The following DGKG variants were observed in gnomAD, a reference collection of about 807,000 sequenced individuals.
The protein encoded by DGKG is diacylglycerol kinase gamma.
A neutral mutation model predicts 105.3 loss-of-function variants in DGKG; 78 were observed. The observed-to-expected ratio is 0.74, with a 90% CI of 0.62 to 0.89. DGKG has a LOEUF of 0.89. DGKG is among the 40% of genes least tolerant of loss of function. DGKG has a pLI of 0.00. For synonymous variants in DGKG, 346 were observed against 367.1 expected, an observed-to-expected ratio of 0.94 and a Z score of 0.66; for missense variants, 958 against 1,020.1, an observed-to-expected ratio of 0.94 and a Z score of 0.83.
At chr3:186,337,239 A>G (rs1316126861) in intron 1 of DGKG, among the ~76,000 whole-genome samples, 1 of 152,204 alleles carries the variant, frequency 6.6e-6, no homozygotes, top group Non-Finnish European at 1.5e-5. Context: ...AGTAAAATTC[A>G]GTATAGCATT....
intron 21 of DGKG, among the ~76,000 whole-genome samples, chr3:186,204,624 A>C (rs781182708): frequency 6.6e-6 from 1 of 152,226 alleles, no homozygotes; most frequent in East Asian, 1.9e-4. Context: ...AATTTTTTAA[A>C]ATTTAACCAT....
rs1164373126 is a variant in DGKG, at chr3:186,267,668, G to A, written c.1209+17C>T. Reference sequence around the variant, plus strand: ...ACCCGGAGAAGCTACAGCCCTCGCCGGGGCAGGAGCACTTACCCGGGTGAT... The same window carrying A: ...ACCCGGAGAAGCTACAGCCCTCGCCAGGGCAGGAGCACTTACCCGGGTGAT... On this transcript the variant is annotated intron_variant, in intron 13 of 24. Coordinates refer to ENST00000265022, the MANE Select transcript of DGKG (RefSeq NM_001346.3). 5.6e-6 allele frequency: 9 copies of A among 1,608,448 alleles called. No homozygotes were observed. Among genetic ancestry groups the A allele is most frequent in the Non-Finnish European group, 7.7e-6 (9 of 1,174,910 alleles).
intron 24 of DGKG, chr3:186,160,728 T>A (rs1222110720): frequency 2.0e-6 from 2 of 985,312 alleles, no homozygotes; most frequent in Non-Finnish European, 2.4e-6. Flanking sequence ...TGCAATCTTA[T>A]TGAGGGTATT....
chr3:186,279,937 G>A lies in DGKG; in HGVS notation c.706C>T (p.Arg236Trp), dbSNP rs200662645. The change falls in exon 9 of 25, where the codon CGG becomes TGG. Residue 236 changes from arginine (R) to tryptophan (W), a missense_variant. Transcript: ENST00000265022. Reference sequence around the variant, plus strand: ...TCCTGTAGAGACACAAAGCCGTCCCGGTCGTAGTCCATCCCTTGCAGCATC... The same window carrying A: ...TCCTGTAGAGACACAAAGCCGTCCCAGTCGTAGTCCATCCCTTGCAGCATC... ...KEMLQGMDYDRDGFVSLQEWV... is the reference protein window; with the variant it reads ...KEMLQGMDYDWDGFVSLQEWV... 4.9e-5 allele frequency: 79 copies of A among 1,613,928 alleles called. No individual in the cohort carries two copies. In the Middle Eastern group the frequency reaches 8.2e-4, roughly 17 times the overall value.
At chr3:186,265,386 G>C in intron 13 of DGKG, 80 bp from the exon 14 acceptor site, 1 of 1,291,728 alleles carries the variant, frequency 7.7e-7, no homozygotes, top group Non-Finnish European at 1.1e-6. Flanking sequence ...AAAAACAAAC[G>C]GCTGATATAA....
At chr3:186,217,024 G>A (rs1212859900) in intron 20 of DGKG, among the ~76,000 whole-genome samples, 1 of 152,146 alleles carries the variant, frequency 6.6e-6, no homozygotes, top group Non-Finnish European at 1.5e-5. Context: ...TGTGGCAAAT[G>A]CAAAGTACCA....
At chr3:186,267,484 C>A (rs576633412) in intron 13 of DGKG, 11 of 538,376 alleles carry the variant, frequency 2.0e-5, no homozygotes, top group South Asian at 1.9e-4. Flanking sequence ...AACAAACTCC[C>A]GCAAGACGTG....
intron 1 of DGKG, among the ~76,000 whole-genome samples, chr3:186,350,041 G>A (rs1434137277): frequency 6.6e-6 from 1 of 151,950 alleles, no homozygotes; most frequent in Non-Finnish European, 1.5e-5. Flanking sequence ...GTGCCACCAT[G>A]CCTGGCTAAT....
Position 186,148,279 on chromosome 3 carries a change from T to C in DGKG, c.*1811A>G. The C allele has an allele frequency of 1.0e-6, 1 of 985,488 alleles. No homozygotes were observed. Among genetic ancestry groups the C allele is most frequent in the Non-Finnish European group, 1.2e-6 (1 of 829,960 alleles). The allele number at this position is 985,488 out of a possible 1,614,324, so 61.0% of individuals were successfully genotyped here. On this transcript the variant is annotated 3_prime_UTR_variant, in exon 25 of 25. Coordinates refer to ENST00000265022, the MANE Select transcript of DGKG (RefSeq NM_001346.3). The stretch of plus-strand genomic sequence containing the variant: ...ATCTTGCAGAAGACGCCTCAGTCCT[T>C]CTTGTGACTCTCCACTGAGGTCATC...
chr3:186,320,856 A>G (rs2072571), intron 1 of DGKG, 149 bp from the exon 2 acceptor site: 96,047 of 166,834 alleles, frequency 0.58, 28,563 homozygotes, highest in Middle Eastern at 0.64. Flanking sequence ...GGGCACAACG[A>G]CAGTTGTCTG....
At chr3:186,200,128 C>A (rs1718377261) in intron 21 of DGKG, among the ~76,000 whole-genome samples, 1 of 152,090 alleles carries the variant, frequency 6.6e-6, no homozygotes, top group Non-Finnish European at 1.5e-5. Context: ...ATTTGTGGGT[C>A]TATAAATCAA....
chr3:186,175,365 C>T lies in DGKG; in HGVS notation c.2096-10347G>A, dbSNP rs566805370. On this transcript the variant is annotated intron_variant, in intron 22 of 24. Coordinates refer to ENST00000265022, the MANE Select transcript of DGKG (RefSeq NM_001346.3). Reference sequence around the variant, plus strand: ...TGTTGTTGGTTCCTGAAAACCTGCTCGTGTGGTGGGTGGGACGGGAAAAAT... The same window carrying T: ...TGTTGTTGGTTCCTGAAAACCTGCTTGTGTGGTGGGTGGGACGGGAAAAAT... Among the ~76,000 whole-genome samples the T allele has an allele frequency of 1.7e-4, 26 of 152,240 alleles. 1 individual carries two copies. The highest frequency in any genetic ancestry group is 3.6e-4 in the African/African-American group (15 of 41,560).
At chr3:186,243,487 G>C (rs1361988252) in intron 19 of DGKG, among the ~76,000 whole-genome samples, 1 of 152,074 alleles carries the variant, frequency 6.6e-6, no homozygotes, top group Non-Finnish European at 1.5e-5. Context: ...GAGTTCTCGT[G>C]GCTGTTACCA....
intron 1 of DGKG, among the ~76,000 whole-genome samples, chr3:186,345,970 T>C (rs905025766): frequency 2.0e-5 from 3 of 152,198 alleles, no homozygotes; most frequent in African/African-American, 7.2e-5. Flanking sequence ...GGTTTCACCA[T>C]CTTGGCCAGG....
chr3:186,303,783 A>G (rs1414288773), intron 3 of DGKG, among the ~76,000 whole-genome samples: 1 of 152,140 alleles, frequency 6.6e-6, no homozygotes, highest in African/African-American at 2.4e-5. Flanking sequence ...CATGTTCATC[A>G]CGGCCAGATG....
intron 1 of DGKG, among the ~76,000 whole-genome samples, chr3:186,337,583 C>T (rs1381586492): frequency 2.0e-5 from 3 of 152,068 alleles, no homozygotes; most frequent in African/African-American, 7.2e-5. Flanking sequence ...ATGTTAGAAA[C>T]TCTACTATTC....
intron 21 of DGKG, among the ~76,000 whole-genome samples, chr3:186,195,632 GC>G (rs1201076303): frequency 6.6e-6 from 1 of 152,112 alleles, no homozygotes; most frequent in Admixed American, 6.5e-5. Context: ...TCTGGGTGCG[GC>G]CCGAGACTGC....
intron 14 of DGKG, among the ~76,000 whole-genome samples, chr3:186,263,600 A>T (rs1247709092): frequency 6.6e-6 from 1 of 152,126 alleles, no homozygotes; most frequent in Non-Finnish European, 1.5e-5. Context: ...CAAGCAAGCA[A>T]GCAAACAAAC....
intron 8 of DGKG, 108 bp from the exon 9 acceptor site, chr3:186,280,081 C>T: frequency 1.4e-6 from 2 of 1,390,054 alleles, no homozygotes; most frequent in Admixed American, 1.8e-5. Context: ...TGTGTTTTAC[C>T]CCTTTCCCCT....
Sources: gnomAD v4.1 joint callset for allele counts (sites outside exome capture counted in the v4.1 genomes callset) on GRCh38, gnomAD v4.1.1 for gene constraint, MANE v1.5 for transcripts, NCBI Gene and HGNC (gene_info 2026-07-23, HGNC 2026-07-21) for gene names.